The following USPL1 variants were observed in gnomAD, a reference collection of about 807,000 sequenced individuals.
USPL1 encodes the protein SUMO-specific isopeptidase USPL1.
Under a neutral mutation model 51.5 loss-of-function variants are expected in USPL1, and 27 were observed. That is an observed-to-expected ratio of 0.52 (90% CI 0.39 to 0.72). The LOEUF (loss-of-function observed/expected upper bound fraction) is 0.72. USPL1 is among the 30% of genes least tolerant of loss of function. USPL1 has a pLI of 0.00. For missense variants in USPL1, 1,226 were observed against 1,268.0 expected, an observed-to-expected ratio of 0.97 and a Z score of 0.50; for synonymous variants, 451 against 459.6, an observed-to-expected ratio of 0.98 and a Z score of 0.24.
intron 7 of USPL1, among the ~76,000 whole-genome samples, chr13:30,649,649 A>G (rs1951062612): frequency 6.6e-6 from 1 of 152,234 alleles, no homozygotes; most frequent in South Asian, 2.1e-4. Context: ...AACTCTTGAA[A>G]GGTCACTGCC....
rs994442881 is a variant in USPL1, at chr13:30,653,213, C to T, written c.1304C>T (p.Ala435Val). 6.2e-7 allele frequency: 1 copy of T among 1,613,040 alleles called. No individual in the cohort carries two copies. The highest frequency in any genetic ancestry group is 1.3e-5 in the African/African-American group (1 of 74,922). Residue 435 changes from alanine (A) to valine (V), a missense_variant, in exon 8 of 9, where the codon GCA (alanine) becomes GTA (valine). Coordinates refer to ENST00000255304, the MANE Select transcript of USPL1 (RefSeq NM_005800.5). ...GLPQNDLQHYAFHFEGCLYQI... is the reference protein window; with the variant it reads ...GLPQNDLQHYVFHFEGCLYQI... ...CCACAGAATGACTTGCAGCACTATG[C>T]ATTTCATTTTGAAGGCTGTCTTTAT...
chr13:30,636,003 G>A (rs1323614158), intron 4 of USPL1, among the ~76,000 whole-genome samples: 3 of 152,154 alleles, frequency 2.0e-5, no homozygotes, highest in East Asian at 1.9e-4. Flanking sequence ...CATTCAAGAC[G>A]TTATGGTTTT....
chr13:30,639,410 A>G (rs1426169613), intron 5 of USPL1, among the ~76,000 whole-genome samples: 1 of 151,784 alleles, frequency 6.6e-6, no homozygotes, highest in Non-Finnish European at 1.5e-5. Context: ...TAATAGTTGT[A>G]TATCTGCTTT....
chr13:30,642,664 T>C lies in USPL1; in HGVS notation c.1019T>C (p.Leu340Pro). The change falls in exon 6 of 9, where the codon CTC becomes CCC. Residue 340 changes from leucine to proline, a missense_variant. By Grantham distance (98) the Leu-to-Pro change is moderately conservative (BLOSUM62 -3). Coordinates refer to ENST00000255304, the MANE Select transcript of USPL1 (RefSeq NM_005800.5). ...AGCCCTGTGTTTGCATTTCCCCTGC[T>C]CTTAAAACTAGAAACCCACATTGAA... ...MESPVFAFPL[L>P]LKLETHIEKL... The C allele has an allele frequency of 6.2e-7, 1 of 1,613,924 alleles. No homozygotes were observed.
intron 6 of USPL1, among the ~76,000 whole-genome samples, chr13:30,643,816 G>A (rs1950981772): frequency 6.6e-6 from 1 of 150,996 alleles, no homozygotes; most frequent in Non-Finnish European, 1.5e-5. Context: ...TGCCATGTTG[G>A]CCAGGCTGGT....
Position 30,631,448 on chromosome 13 carries a change from A to G in USPL1, c.842A>G (p.Tyr281Cys), listed in dbSNP as rs1950804760. ...TATAATCAAGCAAATACACTTCTAT[A>G]TACCAGTCAATTGAGTGGTGTTAAA... ...TKYNQANTLL[Y>C]TSQLSGVKDG... is the part of the protein sequence containing the mutation. The change falls in exon 4 of 9, where the codon TAT (tyrosine) becomes TGT (cysteine). Residue 281 changes from tyrosine to cysteine, a missense_variant. By Grantham distance (194) the Tyr-to-Cys change is radical. Coordinates refer to ENST00000255304, the MANE Select transcript of USPL1 (RefSeq NM_005800.5). 6 of 1,613,900 alleles carry G rather than the reference A, an allele frequency of 3.7e-6. No individual in the cohort carries two copies. Among genetic ancestry groups the G allele is most frequent in the African/African-American group, 2.7e-5 (2 of 74,920 alleles).
chr13:30,642,836 A>G, intron 6 of USPL1, 79 bp downstream of exon 6: 2 of 1,516,074 alleles, frequency 1.3e-6, no homozygotes, highest in Non-Finnish European at 1.8e-6. Flanking sequence ...TGAGCACCAG[A>G]CACTACAGTT....
intron 7 of USPL1, among the ~76,000 whole-genome samples, chr13:30,651,041 T>TATGGC (rs1381810857): frequency 2.6e-5 from 4 of 151,854 alleles, no homozygotes; most frequent in Admixed American, 2.6e-4. Flanking sequence ...CAGAAAGTAG[T>TATGGC]ATGGAGGCCA....
At chr13:30,622,413 G>A (rs1950657968) in intron 3 of USPL1, among the ~76,000 whole-genome samples, 1 of 152,112 alleles carries the variant, frequency 6.6e-6, no homozygotes, top group African/African-American at 2.4e-5. Context: ...CTTTTATATA[G>A]CAGCTCATTA....
At position 30,653,305 on chromosome 13, in the gene USPL1, G is replaced by A; in HGVS notation, c.1396G>A (p.Gly466Arg). Residue 466 changes from glycine to arginine, a missense_variant and splice_region_variant, in exon 8 of 9, where the codon GGA (glycine) becomes AGA (arginine). Physicochemically the swap from Gly to Arg is moderately radical, Grantham distance 125 (BLOSUM62 -2). Coordinates refer to ENST00000255304, the MANE Select transcript of USPL1 (RefSeq NM_005800.5). The stretch of plus-strand genomic sequence containing the variant: ...TATAACATGGATTTTAGATGCTGAT[G>A]GTAAGTGTTTAGAGGTTTTCTTTTA... ...HFITWILDAD[G>R]SWLECDDLKG... 6.3e-7 allele frequency: 1 copy of A among 1,591,010 alleles called. No homozygotes were observed. The highest frequency in any genetic ancestry group is 8.6e-7 in the Non-Finnish European group (1 of 1,163,652).
At position 30,643,771 on chromosome 13, in the gene USPL1, G is replaced by A. The variant is rs944838487; in HGVS notation, c.1112+1014G>A. Among the ~76,000 whole-genome samples, 10 of 151,302 alleles carry A rather than the reference G, an allele frequency of 6.6e-5. 1 individual carries two copies. The Middle Eastern group carries it at 0.01, about 154-fold the overall frequency. ...ATTACAGGTGTGTGCCACCACGCCC[G>A]GCTGATTTTTGTATTTTTAGTAGAG... On this transcript the variant is annotated intron_variant, in intron 6 of 8. Transcript: ENST00000255304.
At chr13:30,649,434 T>G (rs1951059534) in intron 7 of USPL1, among the ~76,000 whole-genome samples, 1 of 152,228 alleles carries the variant, frequency 6.6e-6, no homozygotes, top group Non-Finnish European at 1.5e-5. Context: ...TCCTAAAAAC[T>G]AATTAAGTTC....
At chr13:30,640,670 A>G (rs946509784) in intron 5 of USPL1, among the ~76,000 whole-genome samples, 2 of 152,194 alleles carry the variant, frequency 1.3e-5, no homozygotes, top group Non-Finnish European at 1.5e-5. Flanking sequence ...AACCTGAGCA[A>G]CAAGTGCGAA....
chr13:30,623,528 G>T (rs1247339567), intron 3 of USPL1, among the ~76,000 whole-genome samples: 1 of 151,206 alleles, frequency 6.6e-6, no homozygotes, highest in Non-Finnish European at 1.5e-5. Flanking sequence ...ATTATATTTG[G>T]TCCTTGTCTA....
intron 6 of USPL1, among the ~76,000 whole-genome samples, chr13:30,644,501 T>G (rs1021016637): frequency 1.3e-5 from 2 of 151,898 alleles, no homozygotes; most frequent in Non-Finnish European, 2.9e-5. Flanking sequence ...CTAACCCTCC[T>G]GAGTTGAAAA....
chr13:30,647,031 A>G lies in USPL1; in HGVS notation c.1212A>G (p.Ser404=). 6.2e-7 allele frequency: 1 copy of G among 1,612,384 alleles called. No individual in the cohort carries two copies. Among genetic ancestry groups the G allele is most frequent in the Non-Finnish European group, 8.5e-7 (1 of 1,178,464 alleles). The change falls in exon 7 of 9, where the codon TCA becomes TCG. Residue 404 remains serine (S), a synonymous_variant. Coordinates refer to ENST00000255304, the MANE Select transcript of USPL1 (RefSeq NM_005800.5). ...FGPCNNCNSK[S]QIRKMVLEKV... ...CATGTAACAATTGCAACAGTAAATC[A>G]CAAATAAGAAAAATGGTATTAGAAA...
In USPL1 at chr13:30,659,458, T is replaced by C. The variant is rs1951226733; in HGVS notation, c.*102T>C. On this transcript the variant is annotated 3_prime_UTR_variant, in exon 9 of 9. Transcript: ENST00000255304. Reference sequence around the variant, plus strand: ...TACACTGGACTTGTGTAATTACTTGTGTAATAACCATGAACAAAATGCAAG... The same window carrying C: ...TACACTGGACTTGTGTAATTACTTGCGTAATAACCATGAACAAAATGCAAG... 4 of 1,067,384 alleles carry C rather than the reference T, an allele frequency of 3.7e-6. No homozygotes were observed. The highest frequency in any genetic ancestry group is 1.9e-5 in the South Asian group (1 of 51,694). 66.1% of individuals were successfully genotyped at this position (1,067,384 alleles called of 1,614,324 possible).
intron 7 of USPL1, among the ~76,000 whole-genome samples, chr13:30,647,714 A>T (rs1951036237): frequency 1.3e-5 from 2 of 152,128 alleles, no homozygotes; most frequent in Non-Finnish European, 2.9e-5. Flanking sequence ...TTTTCAGTCT[A>T]ATCGTACATT....
In USPL1 at chr13:30,621,373, G is replaced by A. The variant is rs536518094; in HGVS notation, c.99+134G>A. 45 of 632,946 alleles carry A rather than the reference G, an allele frequency of 7.1e-5. No homozygotes were observed. In the African/African-American group the frequency reaches 7.3e-4, roughly 10 times the overall value. 39.2% of individuals were successfully genotyped at this position (632,946 alleles called of 1,614,324 possible). A position where few individuals can be genotyped will look rare whatever the true frequency, so the allele number is the denominator to read the frequency against. ...TCCACGGAAATCTTACAGTAATGGCGAAAGATTGTTTTAATGTGTTTACCT... is the reference window on the plus strand; with the variant it reads ...TCCACGGAAATCTTACAGTAATGGCAAAAGATTGTTTTAATGTGTTTACCT... On this transcript the variant is annotated intron_variant, in intron 2 of 8. Coordinates refer to ENST00000255304, the MANE Select transcript of USPL1 (RefSeq NM_005800.5).
Sources: allele counts gnomAD v4.1 joint callset (sites outside exome capture counted in the v4.1 genomes callset), GRCh38; gene constraint gnomAD v4.1.1; transcripts MANE v1.5; gene names NCBI Gene and HGNC (gene_info 2026-07-23, HGNC 2026-07-21).